Variants in APOBEC2 observed in about 807,000 individuals in gnomAD.
APOBEC2 encodes apolipoprotein B mRNA editing enzyme catalytic subunit 2.
A neutral mutation model predicts 19.4 loss-of-function variants in APOBEC2; 14 were observed. That is an observed-to-expected ratio of 0.72 (90% CI 0.48 to 1.13). The LOEUF is 1.13. APOBEC2 is among the 50% of genes most tolerant of loss of function. The pLI is 0.00. For missense variants in APOBEC2, 304 were observed against 277.0 expected, an observed-to-expected ratio of 1.10 and a Z score of -0.69; for synonymous variants, 127 against 112.1, an observed-to-expected ratio of 1.13 and a Z score of -0.84.
chr6:41,063,510 T>C (rs1024638432), intron 2 of APOBEC2, among the ~76,000 whole-genome samples: 4 of 141,930 alleles, frequency 2.8e-5, no homozygotes, highest in African/African-American at 1.0e-4. Context: ...AGGGCCCAGG[T>C]GCCTAACTAG....
At chr6:41,055,701 A>G (rs1306544492) in intron 1 of APOBEC2, among the ~76,000 whole-genome samples, 1 of 152,210 alleles carries the variant, frequency 6.6e-6, no homozygotes, top group African/African-American at 2.4e-5. Flanking sequence ...GCTCATAGCG[A>G]TTCTGGTTGA....
chr6:41,058,259 A>T (rs1762823526), intron 1 of APOBEC2, among the ~76,000 whole-genome samples: 1 of 135,650 alleles, frequency 7.4e-6, no homozygotes. Flanking sequence ...ACTGACCACC[A>T]CCCACCACCA....
At position 41,061,365 on chromosome 6, in the gene APOBEC2, C is replaced by T. The variant is rs373121086; in HGVS notation, c.169C>T (p.Arg57Trp). 1.7e-5 allele frequency: 26 copies of T among 1,537,758 alleles called. No homozygotes were observed. The highest frequency in any genetic ancestry group is 1.5e-4 in the African/African-American group (11 of 72,338). The change falls in exon 2 of 3, where the codon CGG becomes TGG. Residue 57 changes from arginine to tryptophan, a missense_variant. Transcript: ENST00000244669. ...LPANFFKFQF[R>W]NVEYSSGRNK... ...TGCCAACTTCTTTAAATTCCAGTTC[C>T]GGAATGTGGAGTACAGTTCCGGGAG...
chr6:41,055,119 A>T (rs1384565990), intron 1 of APOBEC2, among the ~76,000 whole-genome samples: 21 of 152,150 alleles, frequency 1.4e-4, no homozygotes, highest in Admixed American at 1.4e-3. Flanking sequence ...GGAAACTGAG[A>T]CTCAGAGAGA....
rs562278604 is a variant in APOBEC2, at chr6:41,056,215, G to A, written c.131+2737G>A. ...CAGCTCACTGTCGTCGCAACCTCCC[G>A]GGCTCAGGTGATCTTCCTGCCTCAG... On this transcript the variant is annotated intron_variant, in intron 1 of 2. Coordinates refer to ENST00000244669, the MANE Select transcript of APOBEC2 (RefSeq NM_006789.4). 1.9e-4 allele frequency among the ~76,000 whole-genome samples: 29 copies of A among 152,066 alleles called. 1 individual carries two copies. Among genetic ancestry groups the A allele is most frequent in the Non-Finnish European group, 2.6e-4 (18 of 68,012 alleles).
At chr6:41,062,247 T>C (rs1762886614) in intron 2 of APOBEC2, among the ~76,000 whole-genome samples, 1 of 152,256 alleles carries the variant, frequency 6.6e-6, no homozygotes, top group Non-Finnish European at 1.5e-5. Flanking sequence ...CCTCTGAGTA[T>C]GCCCCTGTGT....
At chr6:41,058,964 A>T (rs1277644807) in intron 1 of APOBEC2, among the ~76,000 whole-genome samples, 1 of 152,144 alleles carries the variant, frequency 6.6e-6, no homozygotes. Flanking sequence ...GAGGGGTTGG[A>T]AACCCGTATT....
At chr6:41,055,521 T>C (rs368748055) in intron 1 of APOBEC2, among the ~76,000 whole-genome samples, 5 of 152,134 alleles carry the variant, frequency 3.3e-5, no homozygotes, top group Non-Finnish European at 7.4e-5. Flanking sequence ...CCCCCAGGAC[T>C]CCCTCCTGGA....
intron 1 of APOBEC2, among the ~76,000 whole-genome samples, chr6:41,054,404 C>A (rs568194669): frequency 8.5e-5 from 13 of 152,208 alleles, no homozygotes; most frequent in African/African-American, 3.1e-4. Context: ...GGGTGCGAGA[C>A]TAAGAGAAGT....
rs917501992 is a variant in APOBEC2 at position 41,064,471 on chromosome 6, A to T, written c.*392A>T. ...TTTATGTTAAGTTGGGTATTTTTTTAAAAAAAGAAAAACAGCAACATTAAT... is the reference window on the plus strand; with the variant it reads ...TTTATGTTAAGTTGGGTATTTTTTTTAAAAAAGAAAAACAGCAACATTAAT... On this transcript the variant is annotated 3_prime_UTR_variant, in exon 3 of 3. Coordinates refer to ENST00000244669, the MANE Select transcript of APOBEC2 (RefSeq NM_006789.4). 5 of 152,200 alleles carry T rather than the reference A, an allele frequency of 3.3e-5. No homozygotes were observed. The highest frequency in any genetic ancestry group is 7.2e-5 in the African/African-American group (3 of 41,522). The allele number at this position is 152,200 out of a possible 1,614,324, so 9.4% of individuals were successfully genotyped here.
chr6:41,063,392 T>C (rs1396007596), intron 2 of APOBEC2, among the ~76,000 whole-genome samples: 3 of 152,222 alleles, frequency 2.0e-5, no homozygotes, highest in Non-Finnish European at 4.4e-5. Context: ...ATTTTGTTAG[T>C]GTATGTACTA....
intron 1 of APOBEC2, among the ~76,000 whole-genome samples, chr6:41,056,878 A>G (rs1762803222): frequency 6.6e-6 from 1 of 152,162 alleles, no homozygotes; most frequent in Non-Finnish European, 1.5e-5. Flanking sequence ...ACGATCCAGC[A>G]ACACTAGATT....
At chr6:41,054,097 T>C (rs1452474056) in intron 1 of APOBEC2, among the ~76,000 whole-genome samples, 4 of 152,120 alleles carry the variant, frequency 2.6e-5, no homozygotes, top group African/African-American at 7.2e-5. Flanking sequence ...CAGGAGCTTA[T>C]GGACACAGGA....
intron 1 of APOBEC2, among the ~76,000 whole-genome samples, chr6:41,060,067 A>C (rs571598911): frequency 6.6e-6 from 1 of 152,194 alleles, no homozygotes; most frequent in African/African-American, 2.4e-5. Flanking sequence ...ATTTTAGAAA[A>C]ACACACACAT....
In APOBEC2 at chr6:41,062,609, G is replaced by C. The variant is rs374393602; in HGVS notation, c.*21+717G>C. On this transcript the variant is annotated intron_variant, in intron 2 of 2. Coordinates refer to ENST00000244669, the MANE Select transcript of APOBEC2 (RefSeq NM_006789.4). ...ATATAGCAACAAGCTAGTCCATGCAGGAACATTTAAAGAGTTAAAAAGACA... is the reference window on the plus strand; with the variant it reads ...ATATAGCAACAAGCTAGTCCATGCACGAACATTTAAAGAGTTAAAAAGACA... 9.8e-5 allele frequency among the ~76,000 whole-genome samples: 15 copies of C among 152,316 alleles called. No homozygotes were observed. The East Asian group carries it at 2.5e-3, about 26-fold the overall frequency.
At chr6:41,053,616 C>T (rs1762758170) in intron 1 of APOBEC2, 138 bp downstream of exon 1, 10 of 1,329,674 alleles carry the variant, frequency 7.5e-6, no homozygotes, top group East Asian at 2.6e-5. Flanking sequence ...CCAGTGGGCC[C>T]GGCAGGGGTG....
intron 2 of APOBEC2, among the ~76,000 whole-genome samples, chr6:41,062,105 C>T (rs771754611): frequency 1.3e-5 from 2 of 152,224 alleles, no homozygotes; most frequent in Non-Finnish European, 2.9e-5. Context: ...ATCAAAGTAA[C>T]TTTCCCCTAA....
At chr6:41,059,837 T>C (rs1253141125) in intron 1 of APOBEC2, among the ~76,000 whole-genome samples, 1 of 151,982 alleles carries the variant, frequency 6.6e-6, no homozygotes, top group East Asian at 1.9e-4. Flanking sequence ...GCCCAGGGAG[T>C]CTGTTGACTT....
chr6:41,058,151 C>CCCCACA (rs1254569298), intron 1 of APOBEC2, among the ~76,000 whole-genome samples: 3 of 69,030 alleles, frequency 4.3e-5, no homozygotes, highest in African/African-American at 1.6e-4. Flanking sequence ...CCACCCCACC[C>CCCCACA]CACACACACA....
Sources: allele counts gnomAD v4.1 joint callset (sites outside exome capture counted in the v4.1 genomes callset), GRCh38; gene constraint gnomAD v4.1.1; transcripts MANE v1.5; gene names NCBI Gene and HGNC (gene_info 2026-07-23, HGNC 2026-07-21).